KDELR1: variants seen among roughly 807,000 people sequenced by gnomAD.
KDELR1 encodes KDEL endoplasmic reticulum protein retention receptor 1, also known as ER lumen protein-retaining receptor 1.
A neutral mutation model predicts 25.5 loss-of-function variants in KDELR1; 16 were observed. The observed-to-expected ratio is 0.63, with a 90% confidence interval of 0.43 to 0.95. The LOEUF (loss-of-function observed/expected upper bound fraction) is 0.95. KDELR1 is among the 40% of genes least tolerant of loss of function. The probability of loss-of-function intolerance (pLI) is 0.00; values close to 1 mark genes in which losing one functional copy is unlikely to be tolerated. For synonymous variants in KDELR1, 121 were observed against 115.0 expected (o/e 1.05, Z -0.33); for missense variants, 159 against 265.2 (o/e 0.60, Z 2.78).
chr19:48,386,104 C>T (rs1178058566), intron 3 of KDELR1, among the ~76,000 whole-genome samples: 2 of 150,070 alleles, frequency 1.3e-5, no homozygotes, highest in Non-Finnish European at 3.0e-5. Flanking sequence ...GACAGAAGGT[C>T]TGTTGCTTTT....
intron 1 of KDELR1, chr19:48,390,730 C>T (rs1438279067): frequency 5.4e-6 from 3 of 556,210 alleles, no homozygotes; most frequent in African/African-American, 1.9e-5. Context: ...CCCGCCTGAG[C>T]AGGGCCCTTT....
intron 1 of KDELR1, 86 bp downstream of exon 1, chr19:48,391,182 G>T (rs1600960044): frequency 8.6e-7 from 1 of 1,168,038 alleles, no homozygotes; most frequent in Non-Finnish European, 1.2e-6. Context: ...TGCCCCTAGT[G>T]CCCCCAAACC....
At position 48,383,267 on chromosome 19, in the gene KDELR1, G is replaced by A. The variant is rs1337299674; in HGVS notation, c.*26C>T. ...CCTTCCTCTGCCTCCCGCTGCTGCCGAGGAGAGAGATGGAGAGGACCGGGG... is the reference window on the plus strand; with the variant it reads ...CCTTCCTCTGCCTCCCGCTGCTGCCAAGGAGAGAGATGGAGAGGACCGGGG... On this transcript the variant is annotated 3_prime_UTR_variant, in exon 5 of 5. Transcript: ENST00000330720. The A allele has an allele frequency of 7.7e-6, 12 of 1,550,920 alleles. No individual in the cohort carries two copies. The highest frequency in any genetic ancestry group is 7.3e-5 in the East Asian group (3 of 40,962).
In KDELR1 at chr19:48,390,577, G is replaced by GAGAGAGACAGAC. The variant is rs1555890422; in HGVS notation, c.92-54_92-53insGTCTGTCTCTCT. The GAGAGAGACAGAC allele has an allele frequency of 5.9e-4, 579 of 980,254 alleles. 1 individual carries two copies. In the East Asian group the frequency reaches 7.1e-3, roughly 12 times the overall value. The allele number at this position is 980,254 out of a possible 1,614,324, so 60.7% of individuals were successfully genotyped here. On this transcript the variant is annotated intron_variant, in intron 1 of 4. Transcript: ENST00000330720. ...AGAGAGAGAGACAGAGAGAGAGAGA[G>GAGAGAGACAGAC]AGACAGACAGACAGACAGACAGACA...
chr19:48,393,659 GTTAATC>G (rs1970590835), upstream of KDELR1, among the ~76,000 whole-genome samples: 1 of 152,072 alleles, frequency 6.6e-6, no homozygotes, highest in African/African-American at 2.4e-5. This position sits in a 1 kb window ranked among gnomAD's most constrained non-coding sequence, Gnocchi z 5.6. Flanking sequence ...GGGACTGAAT[GTTAATC>G]GCATCCCGAG....
At chr19:48,387,564 C>A (rs1467817614) in intron 3 of KDELR1, among the ~76,000 whole-genome samples, 1 of 151,952 alleles carries the variant, frequency 6.6e-6, no homozygotes, top group Admixed American at 6.6e-5. Flanking sequence ...CACCTGTAAT[C>A]CCAGCTACTC....
upstream of KDELR1, among the ~76,000 whole-genome samples, chr19:48,393,447 G>A (rs745922774): frequency 2.2e-4 from 34 of 152,234 alleles, no homozygotes; most frequent in South Asian, 1.0e-3. This position sits in a 1 kb window ranked among gnomAD's most constrained non-coding sequence, Gnocchi z 5.6. Context: ...TCTCCATACC[G>A]GGTTCTGAGT....
upstream of KDELR1, among the ~76,000 whole-genome samples, chr19:48,393,086 G>T (rs1224514966): frequency 6.6e-6 from 1 of 152,192 alleles, no homozygotes; most frequent in Non-Finnish European, 1.5e-5. The surrounding 1 kb of genome is among the most constrained non-coding windows in gnomAD (Gnocchi z 5.6). Flanking sequence ...GTGCCCAAGG[G>T]TGACATCCAC....
the KDELR1 span, among the ~76,000 whole-genome samples, chr19:48,396,733 G>A: frequency 2.0e-5 from 3 of 151,922 alleles, no homozygotes; most frequent in Non-Finnish European, 2.9e-5. Context: ...CAGAGGGGAC[G>A]GGCTGTGGCC....
chr19:48,384,403 G>A lies in KDELR1; in HGVS notation c.431C>T (p.Ala144Val), dbSNP rs1009933299. 2 of 1,613,946 alleles carry A rather than the reference G, an allele frequency of 1.2e-6. No homozygotes were observed. The highest frequency in any genetic ancestry group is 1.7e-6 in the Non-Finnish European group (2 of 1,179,958). Residue 144 changes from alanine to valine, a missense_variant, in exon 4 of 5, where the codon GCG becomes GTG. By Grantham distance (64) the Ala-to-Val change is moderately conservative. Transcript: ENST00000330720. This position sits in a 1 kb window ranked among gnomAD's most constrained non-coding sequence, Gnocchi z 4.6. Reference protein sequence around the residue: ...QLFMVSKTGEAETITSHYLFA... With the variant: ...QLFMVSKTGEVETITSHYLFA... ...CAAGTAGTGGCTGGTGATGGTCTCC[G>A]CCTCGCCGGTCTTGCTCACCATGAA...
Position 48,384,115 on chromosome 19 carries a change from C to G in KDELR1, c.604+115G>C. On this transcript the variant is annotated intron_variant, in intron 4 of 4. Coordinates refer to ENST00000330720, the MANE Select transcript of KDELR1 (RefSeq NM_006801.3). This position sits in a 1 kb window ranked among gnomAD's most constrained non-coding sequence, Gnocchi z 4.6. ...TAGGCCTGCCACCCCAGAAACCCGG[C>G]GAAGAAATGCTCCCTTCTTTGCATA... The G allele has an allele frequency of 7.4e-7, 1 of 1,348,222 alleles. No homozygotes were observed. Among genetic ancestry groups the G allele is most frequent in the South Asian group, 1.4e-5 (1 of 70,430 alleles). 83.5% of individuals were successfully genotyped at this position (1,348,222 alleles called of 1,614,324 possible).
Position 48,389,666 on chromosome 19 carries a change from T to C in KDELR1, c.238A>G (p.Ser80Gly), listed in dbSNP as rs766181124. ...CSFTTVWLIY[S>G]KFKATYDGNH... Reference sequence around the variant, plus strand: ...CCATCGTAAGTAGCTTTGAACTTGCTATAAATCAACCAGACCGTGGTGAAG... The same window carrying C: ...CCATCGTAAGTAGCTTTGAACTTGCCATAAATCAACCAGACCGTGGTGAAG... The change falls in exon 3 of 5, where the codon AGC (serine) becomes GGC (glycine). Residue 80 changes from serine (S) to glycine (G), a missense_variant. Transcript: ENST00000330720. 2 of 1,614,022 alleles carry C rather than the reference T, an allele frequency of 1.2e-6. No individual in the cohort carries two copies. Among genetic ancestry groups the C allele is most frequent in the African/African-American group, 2.7e-5 (2 of 74,916 alleles).
chr19:48,391,649 T>C (rs1970555611), upstream of KDELR1: 1 of 445,106 alleles, frequency 2.2e-6, no homozygotes, highest in Non-Finnish European at 4.1e-6. Context: ...CACCTCCTGC[T>C]TTGCCGTGGC....
At chr19:48,395,065 AC>A, upstream of KDELR1, 1 of 152,316 alleles carries the variant, frequency 6.6e-6, no homozygotes, top group East Asian at 1.9e-4. Flanking sequence ...CTTGACCCCC[AC>A]CTAGCTCCCC....
chr19:48,390,334 A>C, intron 2 of KDELR1, 90 bp downstream of exon 2: 2 of 907,550 alleles, frequency 2.2e-6, no homozygotes, highest in Non-Finnish European at 3.5e-6. Flanking sequence ...CCAGGCCCCC[A>C]GCCCCTCCTC....
At chr19:48,395,461 A>AG (rs1437588750), upstream of KDELR1, among the ~76,000 whole-genome samples, 1 of 151,788 alleles carries the variant, frequency 6.6e-6, no homozygotes, top group African/African-American at 2.4e-5. Flanking sequence ...GCCTCTTCCA[A>AG]GCATCAGGAT....
At chr19:48,395,811 G>A (rs760297245), upstream of KDELR1, among the ~76,000 whole-genome samples, 1 of 152,114 alleles carries the variant, frequency 6.6e-6, no homozygotes, top group Non-Finnish European at 1.5e-5. Flanking sequence ...GACAGGAGCC[G>A]GAACCCGGAC....
In KDELR1 at chr19:48,384,459, G is replaced by A. The variant is rs759960145; in HGVS notation, c.375C>T (p.Tyr125=). 1 of 1,613,404 alleles carries A rather than the reference G, an allele frequency of 6.2e-7. No homozygotes were observed. Among genetic ancestry groups the A allele is most frequent in the Non-Finnish European group, 8.5e-7 (1 of 1,179,758 alleles). ...PLEILWTFSI[Y]LESVAILPQL... ...GCGGCAAGATGGCCACTGACTCCAGGTAGATGGAGAAGGTCCAGAGGATCT... is the reference window on the plus strand; with the variant it reads ...GCGGCAAGATGGCCACTGACTCCAGATAGATGGAGAAGGTCCAGAGGATCT... The change falls in exon 4 of 5, where the codon TAC becomes TAT. Residue 125 remains tyrosine, a synonymous_variant. Coordinates refer to ENST00000330720, the MANE Select transcript of KDELR1 (RefSeq NM_006801.3). This position sits in a 1 kb window ranked among gnomAD's most constrained non-coding sequence, Gnocchi z 4.6.
upstream of KDELR1, among the ~76,000 whole-genome samples, chr19:48,396,328 T>A (rs529254007): frequency 1.3e-5 from 2 of 151,482 alleles, no homozygotes; most frequent in African/African-American, 4.8e-5. Flanking sequence ...TCCCTGTGGT[T>A]AGGAACTGAG....
Sources: allele counts gnomAD v4.1 joint callset (sites outside exome capture counted in the v4.1 genomes callset), GRCh38; gene constraint gnomAD v4.1.1; non-coding constraint Gnocchi (gnomAD v3.1); transcripts MANE v1.5; gene names NCBI Gene and HGNC (gene_info 2026-07-23, HGNC 2026-07-21).